The following GHR variants were observed in gnomAD, a reference collection of about 807,000 sequenced individuals.
The protein encoded by GHR is growth hormone receptor, also known as GH receptor.
In GHR, 35 loss-of-function variants were observed where a neutral mutation model predicts 67.1. The ratio of observed to expected loss-of-function variants is 0.52; its 90% confidence interval spans 0.40 to 0.69. The LOEUF (loss-of-function observed/expected upper bound fraction) is 0.69. GHR is among the 30% of genes least tolerant of loss of function. The pLI is 0.00. For synonymous variants in GHR, 272 were observed against 269.1 expected, an observed-to-expected ratio of 1.01 and a Z score of -0.10; for missense variants, 792 against 764.6, an observed-to-expected ratio of 1.04 and a Z score of -0.42.
chr5:42,711,132 G>A (rs1303206958), intron 6 of GHR, 75 bp from the exon 7 acceptor site: 2 of 1,040,880 alleles, frequency 1.9e-6, no homozygotes, highest in African/African-American at 1.6e-5. Flanking sequence ...ATAAAAATGG[G>A]AGAATACCTG....
Position 42,694,946 on chromosome 5 carries a change from A to G in GHR, c.296A>G (p.Lys99Arg). Reference protein sequence around the residue: ...RNTQEWTQEWKECPDYVSAGE... With the variant: ...RNTQEWTQEWRECPDYVSAGE... ...ACTCAAGAATGGACTCAAGAATGGAAAGAATGCCCTGATTATGTTTCTGCT... is the reference window on the plus strand; with the variant it reads ...ACTCAAGAATGGACTCAAGAATGGAGAGAATGCCCTGATTATGTTTCTGCT... The change falls in exon 5 of 10, where the codon AAA becomes AGA. Residue 99 changes from lysine to arginine, a missense_variant. By Grantham distance (26) the Lys-to-Arg change is conservative. Coordinates refer to ENST00000230882, the MANE Select transcript of GHR (RefSeq NM_000163.5). 1 of 1,611,244 alleles carries G rather than the reference A, an allele frequency of 6.2e-7. No individual in the cohort carries two copies. The highest frequency in any genetic ancestry group is 8.5e-7 in the Non-Finnish European group (1 of 1,178,030).
chr5:42,579,832 A>G (rs1751059567), intron 2 of GHR, among the ~76,000 whole-genome samples: 1 of 152,098 alleles, frequency 6.6e-6, no homozygotes, highest in Non-Finnish European at 1.5e-5. Context: ...AATCTGCCAT[A>G]TTTAAGGTTA....
intron 3 of GHR, among the ~76,000 whole-genome samples, chr5:42,646,040 A>G (rs1359380263): frequency 3.3e-5 from 5 of 152,240 alleles, no homozygotes; most frequent in African/African-American, 7.2e-5. Flanking sequence ...GTGCCTAGAC[A>G]TGGCTCACCT....
chr5:42,645,314 C>A (rs1032550521), intron 3 of GHR, among the ~76,000 whole-genome samples: 1 of 152,286 alleles, frequency 6.6e-6, no homozygotes, highest in African/African-American at 2.4e-5. Context: ...TTGATGTGAG[C>A]TATCAAATAT....
intron 1 of GHR, among the ~76,000 whole-genome samples, chr5:42,504,674 G>A (rs769964788): frequency 2.0e-4 from 31 of 152,030 alleles, no homozygotes; most frequent in African/African-American, 1.9e-4. Flanking sequence ...CAGGAGAATC[G>A]CTTGAACCCA....
At chr5:42,435,621 T>C (rs1041940337) in intron 1 of GHR, among the ~76,000 whole-genome samples, 1 of 152,204 alleles carries the variant, frequency 6.6e-6, no homozygotes, top group Non-Finnish European at 1.5e-5. Context: ...TCCATAATCA[T>C]GATATATTTG....
chr5:42,693,724 T>A (rs1757537199), intron 4 of GHR, among the ~76,000 whole-genome samples: 1 of 152,054 alleles, frequency 6.6e-6, no homozygotes, highest in Non-Finnish European at 1.5e-5. Context: ...CCAGCACCCA[T>A]CCCACAGAGG....
At chr5:42,709,447 T>C (rs1410275223) in intron 6 of GHR, among the ~76,000 whole-genome samples, 4 of 152,266 alleles carry the variant, frequency 2.6e-5, no homozygotes, top group African/African-American at 9.6e-5. Flanking sequence ...CTGGCTGCCC[T>C]TTTTAGTAAA....
intron 2 of GHR, among the ~76,000 whole-genome samples, chr5:42,566,155 C>G (rs1479192084): frequency 2.0e-5 from 3 of 152,216 alleles, no homozygotes; most frequent in African/African-American, 7.2e-5. Flanking sequence ...ACTTTGGCAT[C>G]TGATGTTTTC....
chr5:42,548,109 C>T (rs1240133801), intron 1 of GHR: 1 of 985,262 alleles, frequency 1.0e-6, no homozygotes, highest in Non-Finnish European at 1.2e-6. Context: ...CTAGGCCTGG[C>T]CTTCAGTTCA....
chr5:42,656,867 G>T (rs1755282580), intron 3 of GHR, among the ~76,000 whole-genome samples: 1 of 152,060 alleles, frequency 6.6e-6, no homozygotes. Flanking sequence ...CTGCCATCTA[G>T]TGTAATAAAG....
At chr5:42,689,257 AT>A (rs547180657) in intron 4 of GHR, among the ~76,000 whole-genome samples, 69 of 152,314 alleles carry the variant, frequency 4.5e-4, no homozygotes, top group African/African-American at 1.5e-3. Context: ...TCTCATGGAG[AT>A]TTCCTTCCAA....
intron 2 of GHR, among the ~76,000 whole-genome samples, chr5:42,568,207 T>A (rs1750063362): frequency 6.6e-6 from 1 of 152,086 alleles, no homozygotes; most frequent in African/African-American, 2.4e-5. Context: ...CAATTAGAAA[T>A]ATACTGGCCC....
intron 1 of GHR, among the ~76,000 whole-genome samples, chr5:42,561,047 C>T (rs1173705959): frequency 2.0e-5 from 3 of 152,192 alleles, no homozygotes; most frequent in Non-Finnish European, 4.4e-5. Context: ...GAATTTGAAC[C>T]TTGTTCTCTA....
intron 2 of GHR, among the ~76,000 whole-genome samples, chr5:42,613,661 A>G (rs1752994542): frequency 6.6e-6 from 1 of 152,264 alleles, no homozygotes; most frequent in African/African-American, 2.4e-5. Flanking sequence ...GAAAATAGAA[A>G]CAGATAAATG....
chr5:42,582,695 C>T (rs1351272731), intron 2 of GHR, among the ~76,000 whole-genome samples: 1 of 152,242 alleles, frequency 6.6e-6, no homozygotes, highest in African/African-American at 2.4e-5. Context: ...CTTTGGGGAG[C>T]CCAGACCTGT....
chr5:42,604,296 G>T (rs1752515967), intron 2 of GHR, among the ~76,000 whole-genome samples: 1 of 152,216 alleles, frequency 6.6e-6, no homozygotes, highest in Non-Finnish European at 1.5e-5. Context: ...ATGTGGAAAT[G>T]TGATTGGACA....
At chr5:42,684,316 T>G (rs1345765121) in intron 3 of GHR, among the ~76,000 whole-genome samples, 2 of 152,174 alleles carry the variant, frequency 1.3e-5, no homozygotes, top group Non-Finnish European at 1.5e-5. Flanking sequence ...AGAACTAGAG[T>G]ACACATCTCT....
intron 1 of GHR, chr5:42,468,477 A>T (rs1744838889): frequency 2.5e-6 from 2 of 802,362 alleles, no homozygotes; most frequent in Non-Finnish European, 4.0e-6. Context: ...GCCCGACCAG[A>T]GTTCACTGGC....
Sources: allele counts gnomAD v4.1 joint callset (sites outside exome capture counted in the v4.1 genomes callset), GRCh38; gene constraint gnomAD v4.1.1; transcripts MANE v1.5; gene names NCBI Gene and HGNC (gene_info 2026-07-23, HGNC 2026-07-21).